SLC52A3: variants seen among roughly 807,000 people sequenced by gnomAD.
SLC52A3 encodes solute carrier family 52 member 3.
A neutral mutation model predicts 29.5 loss-of-function variants in SLC52A3; 20 were observed. The ratio of observed to expected loss-of-function variants is 0.68; its 90% CI spans 0.48 to 0.99. The LOEUF (loss-of-function observed/expected upper bound fraction) is 0.99. Among genes scored for constraint, SLC52A3 ranks in the 50% least tolerant of loss-of-function variants. SLC52A3 has a pLI of 0.00. For synonymous variants in SLC52A3, 301 were observed against 271.0 expected, an observed-to-expected ratio of 1.11 and a Z score of -1.09; for missense variants, 548 against 612.9, an observed-to-expected ratio of 0.89 and a Z score of 1.12.
chr20:765,268 G>C lies in SLC52A3; in HGVS notation c.507C>G (p.Val169=). 6.2e-7 allele frequency: 1 copy of C among 1,614,172 alleles called. No homozygotes were observed. Among genetic ancestry groups the C allele is most frequent in the Non-Finnish European group, 8.5e-7 (1 of 1,180,038 alleles). Residue 169 remains valine, a synonymous_variant, in exon 2 of 5, where the codon GTC becomes GTG. Transcript: ENST00000645534. The surrounding 1 kb of genome is among the most constrained non-coding windows in gnomAD (Gnocchi z 6.6). Reference sequence around the variant, plus strand: ...TTGGTACGCTGTCTGATATCTCAGTGACATTGACGCAGGTAGTGAGACCGG... The same window carrying C: ...TTGGTACGCTGTCTGATATCTCAGTCACATTGACGCAGGTAGTGAGACCGG... ...QGSGLTTCVN[V]TEISDSVPSP...
chr20:775,876 A>G (rs552232), intron 1 of SLC52A3: 72,343 of 152,244 alleles, frequency 0.48, 17,573 homozygotes, highest in East Asian at 0.75. Flanking sequence ...TCAGTGTCCC[A>G]TGCTCCTAGC....
upstream of SLC52A3, among the ~76,000 whole-genome samples, chr20:776,400 G>A (rs1366796284): frequency 6.6e-6 from 1 of 152,206 alleles, no homozygotes; most frequent in Non-Finnish European, 1.5e-5. Flanking sequence ...AACTGCCAGT[G>A]TGCACTGAGC....
chr20:776,580 C>A (rs991851899), upstream of SLC52A3, among the ~76,000 whole-genome samples: 7 of 152,280 alleles, frequency 4.6e-5, no homozygotes, highest in Middle Eastern at 3.4e-3. Flanking sequence ...CAGAACTGGT[C>A]TCTGATGCAC....
rs1315824186 is a variant in SLC52A3, at chr20:765,925, T to C, written c.-51-100A>G. ...TTTTCTCTTATTACTCCCCTTCCTG[T>C]GAACAAGCTGGCTTTTTTTTTTTTC... On this transcript the variant is annotated intron_variant, in intron 1 of 4. Coordinates refer to ENST00000645534, the MANE Select transcript of SLC52A3 (RefSeq NM_033409.4). This position sits in a 1 kb window ranked among gnomAD's most constrained non-coding sequence, Gnocchi z 6.6. The C allele has an allele frequency of 2.8e-6, 2 of 709,664 alleles. No homozygotes were observed. Among genetic ancestry groups the C allele is most frequent in the Non-Finnish European group, 4.7e-6 (2 of 423,360 alleles). 44.0% of individuals were successfully genotyped at this position (709,664 alleles called of 1,614,324 possible).
chr20:775,041 G>A (rs372561066), intron 1 of SLC52A3, among the ~76,000 whole-genome samples: 18 of 152,258 alleles, frequency 1.2e-4, no homozygotes, highest in African/African-American at 2.6e-4. Context: ...CAGTAGAAGC[G>A]GACAGTGAGT....
At chr20:769,623 G>A (rs556557646), upstream of SLC52A3, among the ~76,000 whole-genome samples, 53 of 152,304 alleles carry the variant, frequency 3.5e-4, no homozygotes, top group Admixed American at 5.9e-4. Flanking sequence ...TTGGCCAGGC[G>A]CGGTGGCTCA....
intron 1 of SLC52A3, chr20:766,154 C>T (rs529711540): frequency 8.4e-5 from 21 of 249,118 alleles, no homozygotes; most frequent in Admixed American, 8.0e-4. Context: ...AGGCTGGTCT[C>T]GAACTCCTGG....
chr20:762,437 GCCTT>G (rs1986522452), intron 3 of SLC52A3, among the ~76,000 whole-genome samples: 2 of 152,290 alleles, frequency 1.3e-5, no homozygotes, highest in South Asian at 4.1e-4. Flanking sequence ...TCTACAGGTG[GCCTT>G]CCATGCAAAC....
intron 1 of SLC52A3, among the ~76,000 whole-genome samples, chr20:775,517 C>T (rs540977451): frequency 6.6e-6 from 1 of 152,196 alleles, no homozygotes; most frequent in East Asian, 1.9e-4. Context: ...TGAGCTCAAG[C>T]GATTCACCTG....
In SLC52A3 at chr20:761,203, A is replaced by G. The variant is rs910857; in HGVS notation, c.1233T>C (p.Ser411=). The stretch of plus-strand genomic sequence containing the variant: ...CCACGCCCAGCATCACCTTGACGTA[A>G]CTGAGGCAGCCGCTGAAAAGCACCC... ...ASWVLFSGCL[S]YVKVMLGVVL... The change falls in exon 5 of 5, where the codon AGT becomes AGC. Residue 411 remains serine (S), a synonymous_variant. Transcript: ENST00000645534. 0.71 allele frequency: 1,110,336 copies of G among 1,558,282 alleles called. 397,953 individuals carry two copies. Among genetic ancestry groups the G allele is most frequent in the South Asian group, 0.73 (62,155 of 84,830 alleles).
intron 1 of SLC52A3, among the ~76,000 whole-genome samples, chr20:775,008 A>C (rs1236351498): frequency 6.6e-6 from 1 of 152,236 alleles, no homozygotes; most frequent in African/African-American, 2.4e-5. Context: ...AAAGGGAATG[A>C]GATAACAGGC....
upstream of SLC52A3, among the ~76,000 whole-genome samples, chr20:770,377 C>T (rs1425999246): frequency 1.3e-5 from 2 of 152,138 alleles, no homozygotes; most frequent in South Asian, 2.1e-4. The surrounding 1 kb of genome is among the most constrained non-coding windows in gnomAD (Gnocchi z 4.5). Context: ...AGGCTGGTCT[C>T]GAACTCCTGG....
At position 763,761 on chromosome 20, in the gene SLC52A3, C is replaced by G. The variant is rs1365435305; in HGVS notation, c.810G>C (p.Glu270Asp). 6.2e-7 allele frequency: 1 copy of G among 1,614,076 alleles called. No individual in the cohort carries two copies. The highest frequency in any genetic ancestry group is 8.5e-7 in the Non-Finnish European group (1 of 1,180,028). ...CCGTGCCTGCAGGGCCCAAGTCATT[C>G]TCTTCCCGCGGCCGGATGGAGTGGA... Reference protein sequence around the residue: ...VTLHSIRPREENDLGPAGTVD... With the variant: ...VTLHSIRPREDNDLGPAGTVD... The change falls in exon 3 of 5, where the codon GAG becomes GAC. Residue 270 changes from glutamate to aspartate, a missense_variant. Glu to Asp is a conservative substitution (Grantham distance 45, BLOSUM62 2). Transcript: ENST00000645534.
rs753358897 is a variant in SLC52A3, at chr20:765,511, G to A, written c.264C>T (p.Ile88=). 6.3e-7 allele frequency: 1 copy of A among 1,582,974 alleles called. No homozygotes were observed. The highest frequency in any genetic ancestry group is 8.6e-7 in the Non-Finnish European group (1 of 1,164,452). Residue 88 remains isoleucine (I), a synonymous_variant, in exon 2 of 5, where the codon ATC becomes ATT. Transcript: ENST00000645534. This position sits in a 1 kb window ranked among gnomAD's most constrained non-coding sequence, Gnocchi z 6.6. The part of the protein sequence containing the change: ...LLGVGTVTCI[I]FAFLWNMTSW... ...AGGTCATATTCCAGAGGAAGGCAAA[G>A]ATGATGCAGGTGACGGTTCCCACGC... is the stretch of plus-strand genomic sequence containing the variant.
At chr20:761,520 G>C in intron 4 of SLC52A3, 181 bp downstream of exon 4, 1 of 900,918 alleles carries the variant, frequency 1.1e-6, no homozygotes, top group Non-Finnish European at 1.7e-6. Flanking sequence ...AGGCCTACCA[G>C]TCACCTCGAT....
At chr20:767,359 CT>C (rs563042314) in intron 1 of SLC52A3, among the ~76,000 whole-genome samples, 68 of 147,330 alleles carry the variant, frequency 4.6e-4, no homozygotes, top group East Asian at 8.0e-4. Context: ...CTCTGTATAT[CT>C]TTTTTTTTTT....
In SLC52A3 at chr20:765,594, G is replaced by A. The variant is rs373827308; in HGVS notation, c.181C>T (p.Leu61Phe). The change falls in exon 2 of 5, where the codon CTC becomes TTC. Residue 61 changes from leucine to phenylalanine, a missense_variant. Coordinates refer to ENST00000645534, the MANE Select transcript of SLC52A3 (RefSeq NM_033409.4). The surrounding 1 kb of genome is among the most constrained non-coding windows in gnomAD (Gnocchi z 6.6). ...ANIGPLLVTL[L>F]HHFRPSCLSE... is the part of the protein sequence containing the mutation. ...AGGCAGCTGGGCCGGAAGTGATGGA[G>A]CAGGGTGACCAGGAGGGGCCCGATG... 1.9e-6 allele frequency: 3 copies of A among 1,592,350 alleles called. No homozygotes were observed. The highest frequency in any genetic ancestry group is 3.6e-5 in the Admixed American group (2 of 55,468).
upstream of SLC52A3, among the ~76,000 whole-genome samples, chr20:772,107 A>G (rs1986857453): frequency 6.6e-6 from 1 of 152,262 alleles, no homozygotes; most frequent in African/African-American, 2.4e-5. Flanking sequence ...TACAAACATC[A>G]GTAGCTTTCC....
At chr20:768,177 T>C (rs555317877) in intron 1 of SLC52A3, 120 bp downstream of exon 1, 1 of 152,328 alleles carries the variant, frequency 6.6e-6, no homozygotes, top group African/African-American at 2.4e-5. Flanking sequence ...CTGATCATTA[T>C]CGTGAAATGG....
Sources: allele counts gnomAD v4.1 joint callset (sites outside exome capture counted in the v4.1 genomes callset), GRCh38; gene constraint gnomAD v4.1.1; non-coding constraint Gnocchi (gnomAD v3.1); transcripts MANE v1.5; gene names NCBI Gene and HGNC (gene_info 2026-07-23, HGNC 2026-07-21).